Variants in FAM32A observed in about 807,000 individuals in gnomAD.
FAM32A encodes the protein protein FAM32A.
A neutral mutation model predicts 15.8 loss-of-function variants in FAM32A; 9 were observed. The ratio of observed to expected loss-of-function variants is 0.57; its 90% CI spans 0.34 to 1.00. The LOEUF is 1.00. Among genes scored for constraint, FAM32A ranks in the 50% least tolerant of loss-of-function variants. The pLI, the probability that FAM32A is intolerant of heterozygous loss-of-function variation, is 0.02. For synonymous variants in FAM32A, 64 were observed against 54.9 expected (o/e 1.16, Z -0.73); for missense variants, 113 against 138.3 (o/e 0.82, Z 0.92).
At chr19:16,190,372 G>A (rs1404815532) in intron 2 of FAM32A, 148 bp from the exon 3 acceptor site, 2 of 574,382 alleles carry the variant, frequency 3.5e-6, no homozygotes, top group Non-Finnish European at 6.5e-6. Flanking sequence ...CCTGGGTGGA[G>A]TTGAGGGAGG....
intron 2 of FAM32A, among the ~76,000 whole-genome samples, chr19:16,189,088 T>C (rs2091396307): frequency 6.8e-6 from 1 of 146,644 alleles, no homozygotes; most frequent in South Asian, 2.2e-4. Context: ...AATGGCAAGA[T>C]CTCAGCTCAC....
intron 2 of FAM32A, 70 bp downstream of exon 2, chr19:16,185,835 G>A: frequency 6.7e-7 from 1 of 1,494,902 alleles, no homozygotes; most frequent in Non-Finnish European, 8.9e-7. Context: ...TTGGGGTCAG[G>A]GCTGGGACGC....
intron 2 of FAM32A, among the ~76,000 whole-genome samples, chr19:16,190,272 G>A (rs1454091461): frequency 6.6e-6 from 1 of 152,168 alleles, no homozygotes; most frequent in African/African-American, 2.4e-5. Context: ...TCCCAGCAGA[G>A]TCTGCTCATG....
intron 3 of FAM32A, 47 bp downstream of exon 3, chr19:16,190,620 A>T: frequency 6.8e-7 from 1 of 1,471,326 alleles, no homozygotes; most frequent in African/African-American, 1.4e-5. Flanking sequence ...TCAGGGTCCC[A>T]GCTGGGCCCA....
rs969643039 is a variant in FAM32A at position 16,190,647 on chromosome 19, A to T, written c.270+74A>T. ...CTGGGCCCAGAGGCTATCAGCTGGC[A>T]GAGGGAGCTGTTGGCATGTTGACGA... On this transcript the variant is annotated intron_variant, in intron 3 of 3. Transcript: ENST00000263384. 7 of 1,197,798 alleles carry T rather than the reference A, an allele frequency of 5.8e-6. No individual in the cohort carries two copies. The African/African-American group carries it at 9.0e-5, about 15-fold the overall frequency. The allele number at this position is 1,197,798 out of a possible 1,614,324, so 74.2% of individuals were successfully genotyped here. A position where few individuals can be genotyped will look rare whatever the true frequency, so the allele number is the denominator to read the frequency against.
intron 2 of FAM32A, among the ~76,000 whole-genome samples, chr19:16,189,100 G>GT (rs2091396364): frequency 1.4e-5 from 2 of 138,290 alleles, no homozygotes; most frequent in South Asian, 4.4e-4. Context: ...TCAGCTCACT[G>GT]TAACCTCCAC....
rs1409659244 is a variant in FAM32A at position 16,191,149 on chromosome 19, G to A, written c.*194G>A. 3.4e-6 allele frequency: 2 copies of A among 593,976 alleles called. No homozygotes were observed. The highest frequency in any genetic ancestry group is 3.0e-6 in the Non-Finnish European group (1 of 329,156). The allele number at this position is 593,976 out of a possible 1,614,324, so 36.8% of individuals were successfully genotyped here. A position where few individuals can be genotyped will look rare whatever the true frequency, so the allele number is the denominator to read the frequency against. ...TAAGATCGTCCTTGTACTCAGTTTA[G>A]GCTTCTTGGCAACATACAGAAGATA... On this transcript the variant is annotated 3_prime_UTR_variant, in exon 4 of 4. Coordinates refer to ENST00000263384, the MANE Select transcript of FAM32A (RefSeq NM_014077.4).
rs752693310 is a variant in FAM32A, at chr19:16,185,691, G to A, written c.142G>A (p.Glu48Lys). The A allele has an allele frequency of 3.2e-6, 5 of 1,576,644 alleles. No homozygotes were observed. In the South Asian group the frequency reaches 5.8e-5, roughly 18 times the overall value. Residue 48 changes from glutamate to lysine, a missense_variant, in exon 2 of 4, where the codon GAG becomes AAG. Transcript: ENST00000263384. Reference sequence around the variant, plus strand: ...AGCAATGGGAACGAGCAAAAAGAACGAGGAGGAGAAGCGGCGCGGCCTGGA... The same window carrying A: ...AGCAATGGGAACGAGCAAAAAGAACAAGGAGGAGAAGCGGCGCGGCCTGGA... ...LEAMGTSKKN[E>K]EEKRRGLDKR...
chr19:16,185,434 G>A lies in FAM32A; in HGVS notation c.-9G>A. 1.9e-6 allele frequency: 3 copies of A among 1,555,270 alleles called. No homozygotes were observed. Among genetic ancestry groups the A allele is most frequent in the Non-Finnish European group, 2.6e-6 (3 of 1,148,826 alleles). ...TGGCACTCCAGCTACCGAAGCACTG[G>A]AGAGTGTCATGGAGGCCTACGAGCA... On this transcript the variant is annotated 5_prime_UTR_variant, in exon 1 of 4. Coordinates refer to ENST00000263384, the MANE Select transcript of FAM32A (RefSeq NM_014077.4).
rs2091395162 is a variant in FAM32A, at chr19:16,188,833, G to A, written c.217-1687G>A. Among the ~76,000 whole-genome samples the A allele has an allele frequency of 2.6e-5, 4 of 152,146 alleles. No homozygotes were observed. In the South Asian group the frequency reaches 8.3e-4, roughly 32 times the overall value. On this transcript the variant is annotated intron_variant, in intron 2 of 3. Coordinates refer to ENST00000263384, the MANE Select transcript of FAM32A (RefSeq NM_014077.4). ...TGAAGGAGAAGGGGGGGACAGAGAGGAGCAGCCAGGTGGCCCCTACCAATA... is the reference window on the plus strand; with the variant it reads ...TGAAGGAGAAGGGGGGGACAGAGAGAAGCAGCCAGGTGGCCCCTACCAATA...
At position 16,191,330 on chromosome 19, in the gene FAM32A, A is replaced by C. The variant is rs2091405904; in HGVS notation, c.*375A>C. ...TGGATGAGACAGACTCCAGAGGGTA[A>C]GGAGCTAGCGCCATGGTGGCCTGCA... On this transcript the variant is annotated 3_prime_UTR_variant, in exon 4 of 4. Transcript: ENST00000263384. 3.2e-6 allele frequency: 1 copy of C among 310,328 alleles called. No individual in the cohort carries two copies. The highest frequency in any genetic ancestry group is 6.3e-6 in the Non-Finnish European group (1 of 159,154). 19.2% of individuals were successfully genotyped at this position (310,328 alleles called of 1,614,324 possible).
At chr19:16,187,780 C>G (rs932410689) in intron 2 of FAM32A, among the ~76,000 whole-genome samples, 1 of 150,260 alleles carries the variant, frequency 6.7e-6, no homozygotes, top group Non-Finnish European at 1.5e-5. Context: ...AAGCCTCGCT[C>G]TGTTGTCCAG....
In FAM32A at chr19:16,185,895, T is replaced by C. The variant is rs912900971; in HGVS notation, c.216+130T>C. Reference sequence around the variant, plus strand: ...GGAGACCTTAATTACGGGGAGAGGATGCTGTACGTGAGTGAGAGAAGAGTC... The same window carrying C: ...GGAGACCTTAATTACGGGGAGAGGACGCTGTACGTGAGTGAGAGAAGAGTC... On this transcript the variant is annotated intron_variant, in intron 2 of 3. Coordinates refer to ENST00000263384, the MANE Select transcript of FAM32A (RefSeq NM_014077.4). The C allele has an allele frequency of 2.8e-6, 3 of 1,069,418 alleles. No homozygotes were observed. In the Admixed American group the frequency reaches 8.7e-5, roughly 31 times the overall value. 66.2% of individuals were successfully genotyped at this position (1,069,418 alleles called of 1,614,324 possible).
chr19:16,189,019 C>CTTTTT (rs11340905), intron 2 of FAM32A, among the ~76,000 whole-genome samples: 7 of 83,390 alleles, frequency 8.4e-5, no homozygotes, highest in African/African-American at 2.6e-4. Flanking sequence ...CTCAGTGCTT[C>CTTTTT]TTTTTTTTTT....
intron 2 of FAM32A, among the ~76,000 whole-genome samples, chr19:16,190,277 C>T (rs533794006): frequency 6.6e-6 from 1 of 152,276 alleles, no homozygotes; most frequent in South Asian, 2.1e-4. Flanking sequence ...GCAGAGTCTG[C>T]TCATGGGTAC....
chr19:16,189,502 C>T (rs2091397763), intron 2 of FAM32A: 1 of 152,052 alleles, frequency 6.6e-6, no homozygotes, highest in Non-Finnish European at 1.5e-5. Flanking sequence ...TTAACTGAGT[C>T]CACGGCCAGG....
At position 16,185,735 on chromosome 19, in the gene FAM32A, G is replaced by T; in HGVS notation, c.186G>T (p.Gln62His). The T allele has an allele frequency of 6.4e-7, 1 of 1,553,370 alleles. No homozygotes were observed. The highest frequency in any genetic ancestry group is 8.7e-7 in the Non-Finnish European group (1 of 1,147,608). Residue 62 changes from glutamine (Q) to histidine (H), a missense_variant, in exon 2 of 4, where the codon CAG becomes CAT. Around this residue, in one of 2 missense-constraint regions of FAM32A, gnomAD observed 112 missense variants for 118.6 expected, o/e 0.94. Coordinates refer to ENST00000263384, the MANE Select transcript of FAM32A (RefSeq NM_014077.4). ...RRGLDKRTPA[Q>H]AAFEKMQEKR... ...GCCTGGACAAGCGGACCCCGGCCCAGGCGGCCTTCGAGAAAATGCAGGAGA... is the reference window on the plus strand; with the variant it reads ...GCCTGGACAAGCGGACCCCGGCCCATGCGGCCTTCGAGAAAATGCAGGAGA...
chr19:16,185,468 A>G lies in FAM32A; in HGVS notation c.26A>G (p.Lys9Arg), dbSNP rs868034076. Residue 9 changes from lysine (K) to arginine (R), a missense_variant, in exon 1 of 4, where the codon AAG (lysine) becomes AGG (arginine). Physicochemically the swap from Lys to Arg is conservative, Grantham distance 26. Around this residue, in one of 2 missense-constraint regions of FAM32A, gnomAD observed 112 missense variants for 118.6 expected, o/e 0.94. Coordinates refer to ENST00000263384, the MANE Select transcript of FAM32A (RefSeq NM_014077.4). MEAYEQVQ[K>R]GPLKLKGVAE... The stretch of plus-strand genomic sequence containing the variant: ...ATGGAGGCCTACGAGCAGGTCCAAA[A>G]GGGACCCCTGAAGCTGAAAGGCGTC... The G allele has an allele frequency of 6.4e-7, 1 of 1,562,024 alleles. No homozygotes were observed. Among genetic ancestry groups the G allele is most frequent in the Non-Finnish European group, 8.7e-7 (1 of 1,152,608 alleles).
In FAM32A at chr19:16,185,522, G is replaced by A. The variant is rs1230798011; in HGVS notation, c.74+6G>A. 1.9e-6 allele frequency: 3 copies of A among 1,565,784 alleles called. No homozygotes were observed. The highest frequency in any genetic ancestry group is 1.7e-4 in the Middle Eastern group (1 of 6,006). On this transcript the variant is annotated splice_donor_region_variant and intron_variant, in intron 1 of 3. Coordinates refer to ENST00000263384, the MANE Select transcript of FAM32A (RefSeq NM_014077.4). ...GAGCTGGGAGTGACCAAGCGGTGAG[G>A]CCCGAGGGCCCGCGGGATTCCGTCT...
Sources: gnomAD v4.1 joint callset for allele counts (sites outside exome capture counted in the v4.1 genomes callset) on GRCh38, gnomAD v4.1.1 for gene constraint, gnomAD v4.1.1 regional missense constraint, MANE v1.5 for transcripts, NCBI Gene and HGNC (gene_info 2026-07-23, HGNC 2026-07-21) for gene names.